CCDC78: variants seen among roughly 807,000 people sequenced by gnomAD.
The protein encoded by CCDC78 is coiled-coil domain containing 78.
In CCDC78, 78 loss-of-function variants were observed where a neutral mutation model predicts 61.9. That is an observed-to-expected ratio of 1.26 (90% CI 1.05 to 1.52). CCDC78 has a LOEUF of 1.52. CCDC78 is among the 40% of genes most tolerant of loss of function. The probability of loss-of-function intolerance (pLI) is 0.00; values close to 1 mark genes in which losing one functional copy is unlikely to be tolerated. For synonymous variants in CCDC78, 287 were observed against 251.9 expected, an observed-to-expected ratio of 1.14 and a Z score of -1.32; for missense variants, 737 against 615.5, an observed-to-expected ratio of 1.20 and a Z score of -2.09.
rs781465668 is a variant in CCDC78 at position 725,061 on chromosome 16, G to A, written c.560+17C>T. On this transcript the variant is annotated intron_variant, in intron 6 of 13. Coordinates refer to ENST00000345165, the MANE Select transcript of CCDC78 (RefSeq NM_001378030.1). ...TCTCTGCTCCAGGATGGGGCCCCAG[G>A]TGAGATGGCCACTCACACACGCGTC... is the stretch of plus-strand genomic sequence containing the variant. 43 of 1,612,642 alleles carry A rather than the reference G, an allele frequency of 2.7e-5. 1 individual carries two copies. In the South Asian group the frequency reaches 4.3e-4, roughly 16 times the overall value.
Position 725,788 on chromosome 16 carries a change from G to C in CCDC78, c.267+6C>G. Reference sequence around the variant, plus strand: ...TGCACTGAGGCTGGTTCACACGGCTGCTCACCTCACTCTTCAGCTGGAAGA... The same window carrying C: ...TGCACTGAGGCTGGTTCACACGGCTCCTCACCTCACTCTTCAGCTGGAAGA... On this transcript the variant is annotated splice_donor_region_variant and intron_variant, in intron 3 of 13. Coordinates refer to ENST00000345165, the MANE Select transcript of CCDC78 (RefSeq NM_001378030.1). 6.2e-7 allele frequency: 1 copy of C among 1,602,910 alleles called. No homozygotes were observed. The highest frequency in any genetic ancestry group is 8.5e-7 in the Non-Finnish European group (1 of 1,174,404).
At chr16:726,747 G>C, upstream of CCDC78, 1 of 333,502 alleles carries the variant, frequency 3.0e-6, no homozygotes, top group South Asian at 4.7e-5. Context: ...GTACCTAGCA[G>C]TGCTGGCTGA....
chr16:724,144 C>G lies in CCDC78; in HGVS notation c.1015G>C (p.Val339Leu). The part of the protein sequence containing the change: ...IASLDLEPLP[V>L]PLVTDFSHRE... Reference sequence around the variant, plus strand: ...TGGCTGAAGTCAGTGACCAGGGGCACGGGCAATGGTTCCAGGTCCAAGCTG... The same window carrying G: ...TGGCTGAAGTCAGTGACCAGGGGCAGGGGCAATGGTTCCAGGTCCAAGCTG... The change falls in exon 10 of 14, where the codon GTG (valine) becomes CTG (leucine). Residue 339 changes from valine (V) to leucine (L), a missense_variant. Coordinates refer to ENST00000345165, the MANE Select transcript of CCDC78 (RefSeq NM_001378030.1). The G allele has an allele frequency of 6.2e-7, 1 of 1,603,994 alleles. No individual in the cohort carries two copies. Among genetic ancestry groups the G allele is most frequent in the Middle Eastern group, 1.7e-4 (1 of 6,010 alleles).
Position 725,248 on chromosome 16 carries a change from G to A in CCDC78, c.481C>T (p.Leu161=). 1 of 1,607,872 alleles carries A rather than the reference G, an allele frequency of 6.2e-7. No individual in the cohort carries two copies. The highest frequency in any genetic ancestry group is 8.5e-7 in the Non-Finnish European group (1 of 1,179,970). The change falls in exon 5 of 14, where the codon CTG becomes TTG. Residue 161 remains leucine, a synonymous_variant. Coordinates refer to ENST00000345165, the MANE Select transcript of CCDC78 (RefSeq NM_001378030.1). The part of the protein sequence containing the change: ...TMNPENEQHR[L]GSGLQGEVKW... ...GGCTGCACACTCACGCCGCTCCCCA[G>A]CCTGTGCTGCTCATTCTCGGGGTTC...
rs527479144 is a variant in CCDC78 at position 724,755 on chromosome 16, G to C, written c.691C>G (p.Arg231Gly). The C allele has an allele frequency of 9.9e-6, 16 of 1,612,094 alleles. No individual in the cohort carries two copies. The highest frequency in any genetic ancestry group is 2.7e-5 in the African/African-American group (2 of 75,058). Residue 231 changes from arginine to glycine, a missense_variant, in exon 8 of 14, where the codon CGG becomes GGG. Physicochemically the swap from Arg to Gly is moderately radical, Grantham distance 125 (BLOSUM62 -2). Coordinates refer to ENST00000345165, the MANE Select transcript of CCDC78 (RefSeq NM_001378030.1). ...AGTTTCTTGAGCTGCAGCTGCAGCC[G>C]GGCATTTTCAGCCTCTGCCTGACGG... ...QLRQAEAENA[R>G]LQLQLKKLKD...
At chr16:723,264 A>C (rs780383670) in intron 11 of CCDC78, 103 bp from the exon 12 acceptor site, 1 of 1,260,814 alleles carries the variant, frequency 7.9e-7, no homozygotes. Context: ...GGGAGGGGAC[A>C]CCTGGGAGTG....
In CCDC78 at chr16:726,091, G is replaced by A; in HGVS notation, c.61-6C>T. 1 of 1,549,040 alleles carries A rather than the reference G, an allele frequency of 6.5e-7. No individual in the cohort carries two copies. Among genetic ancestry groups the A allele is most frequent in the South Asian group, 1.2e-5 (1 of 84,048 alleles). On this transcript the variant is annotated splice_region_variant and splice_polypyrimidine_tract_variant and intron_variant, in intron 1 of 13. Coordinates refer to ENST00000345165, the MANE Select transcript of CCDC78 (RefSeq NM_001378030.1). ...TCCTTGGCTCGTAGCACAACCTGGGGAGGTACCGCCACCCATTCCCCAGGT... is the reference window on the plus strand; with the variant it reads ...TCCTTGGCTCGTAGCACAACCTGGGAAGGTACCGCCACCCATTCCCCAGGT...
In CCDC78 at chr16:725,293, C is replaced by T; in HGVS notation, c.436G>A (p.Val146Met). 1 of 1,608,074 alleles carries T rather than the reference C, an allele frequency of 6.2e-7. No individual in the cohort carries two copies. The highest frequency in any genetic ancestry group is 8.5e-7 in the Non-Finnish European group (1 of 1,179,966). Residue 146 changes from valine (V) to methionine (M), a missense_variant and splice_region_variant, in exon 5 of 14, where the codon GTG becomes ATG. By Grantham distance (21) the Val-to-Met change is conservative. Coordinates refer to ENST00000345165, the MANE Select transcript of CCDC78 (RefSeq NM_001378030.1). ...PGHSDDHRFQ[V>M]QPKNTMNPEN... Reference sequence around the variant, plus strand: ...GGGTTCATGGTGTTCTTGGGCTGCACCTGAATGGAAGGGAGGGCAGGGAAA... The same window carrying T: ...GGGTTCATGGTGTTCTTGGGCTGCATCTGAATGGAAGGGAGGGCAGGGAAA...
rs942253000 is a variant in CCDC78 at position 726,277 on chromosome 16, T to A, written c.60+31A>T. On this transcript the variant is annotated intron_variant, in intron 1 of 13. Coordinates refer to ENST00000345165, the MANE Select transcript of CCDC78 (RefSeq NM_001378030.1). ...GGGGAACGGGCAGACTTCAACCCCA[T>A]GGCAGGAGCGGCAAGTCCCAGAGGA... 9 of 1,549,334 alleles carry A rather than the reference T, an allele frequency of 5.8e-6. No homozygotes were observed. In the African/African-American group the frequency reaches 8.2e-5, roughly 14 times the overall value.
At position 724,890 on chromosome 16, in the gene CCDC78, G is replaced by A. The variant is rs201733212; in HGVS notation, c.639+21C>T. Reference sequence around the variant, plus strand: ...GGGCCCCCACCCTCCAGGTCTCCAAGCAGTCAGGGCAGAGCCTCACCACAG... The same window carrying A: ...GGGCCCCCACCCTCCAGGTCTCCAAACAGTCAGGGCAGAGCCTCACCACAG... On this transcript the variant is annotated intron_variant, in intron 7 of 13. Transcript: ENST00000345165. 1,269 of 1,595,584 alleles carry A rather than the reference G, an allele frequency of 8.0e-4. 17 individuals are homozygous for A. The East Asian group carries it at 0.025, about 32-fold the overall frequency.
At position 725,763 on chromosome 16, in the gene CCDC78, T is replaced by C. The variant is rs896596472; in HGVS notation, c.267+31A>G. On this transcript the variant is annotated intron_variant, in intron 3 of 13. Transcript: ENST00000345165. ...CTGGGCCTGCACCCCCCGTCCCCCA[T>C]GCACTGAGGCTGGTTCACACGGCTG... is the stretch of plus-strand genomic sequence containing the variant. The C allele has an allele frequency of 3.1e-6, 5 of 1,589,234 alleles. No individual in the cohort carries two copies. The African/African-American group carries it at 4.0e-5, about 13-fold the overall frequency.
chr16:723,689 C>T lies in CCDC78; in HGVS notation c.1133+168G>A, dbSNP rs868403608. On this transcript the variant is annotated intron_variant, in intron 11 of 13. Transcript: ENST00000345165. ...TCTTTCCTGTGATTATCAGTGTCGCCGGGACCCACGGAGGGACCCCAGGGT... is the reference window on the plus strand; with the variant it reads ...TCTTTCCTGTGATTATCAGTGTCGCTGGGACCCACGGAGGGACCCCAGGGT... The T allele has an allele frequency of 3.6e-5, 26 of 712,812 alleles. No individual in the cohort carries two copies. The Middle Eastern group carries it at 1.8e-3, about 50-fold the overall frequency. The allele number at this position is 712,812 out of a possible 1,614,324, so 44.2% of individuals were successfully genotyped here. A position where few individuals can be genotyped will look rare whatever the true frequency, so the allele number is the denominator to read the frequency against.
chr16:722,936 G>T lies in CCDC78; in HGVS notation c.1287C>A (p.Asp429Glu). 1.2e-6 allele frequency: 2 copies of T among 1,612,234 alleles called. No homozygotes were observed. The highest frequency in any genetic ancestry group is 2.2e-5 in the South Asian group (2 of 91,084). ...CCTCTGCCCACCTGCCCAGGTGCTG[G>T]TCCACGTACTCCTGTAGCTCAGAAA... ...EQLSELQEYV[D>E]QHLGRYKHEI... The change falls in exon 13 of 14, where the codon GAC (aspartate) becomes GAA (glutamate). Residue 429 changes from aspartate to glutamate, a missense_variant. Physicochemically the swap from Asp to Glu is conservative, Grantham distance 45. Coordinates refer to ENST00000345165, the MANE Select transcript of CCDC78 (RefSeq NM_001378030.1).
In CCDC78 at chr16:722,925, C is replaced by T. The variant is rs746845893; in HGVS notation, c.1298G>A (p.Gly433Asp). The T allele has an allele frequency of 6.2e-7, 1 of 1,612,172 alleles. No homozygotes were observed. Among genetic ancestry groups the T allele is most frequent in the South Asian group, 1.1e-5 (1 of 91,082 alleles). Residue 433 changes from glycine (G) to aspartate (D), a missense_variant, in exon 13 of 14, where the codon GGC becomes GAC. Physicochemically the swap from Gly to Asp is moderately conservative, Grantham distance 94. Coordinates refer to ENST00000345165, the MANE Select transcript of CCDC78 (RefSeq NM_001378030.1). ...ACACCCAGCTCCCTCTGCCCACCTG[C>T]CCAGGTGCTGGTCCACGTACTCCTG... ...ELQEYVDQHL[G>D]RYKHEILRLR...
rs574127373 is a variant in CCDC78, at chr16:726,175, C to A, written c.61-90G>T. The A allele has an allele frequency of 2.6e-6, 4 of 1,550,420 alleles. No individual in the cohort carries two copies. In the South Asian group the frequency reaches 4.8e-5, roughly 18 times the overall value. On this transcript the variant is annotated intron_variant, in intron 1 of 13. Transcript: ENST00000345165. Reference sequence around the variant, plus strand: ...GCAGTCACCAGTCCCGCCTCCCTGCCTGGCTGAGCTGTAAAAGTCCCTCTC... The same window carrying A: ...GCAGTCACCAGTCCCGCCTCCCTGCATGGCTGAGCTGTAAAAGTCCCTCTC...
At chr16:725,320 C>T (rs770939634) in intron 4 of CCDC78, 27 bp from the exon 5 acceptor site, 12 of 1,610,036 alleles carry the variant, frequency 7.5e-6, no homozygotes, top group Admixed American at 3.3e-5. Flanking sequence ...GCAGGGAAAG[C>T]TAAGGGGTGG....
In CCDC78 at chr16:724,305, A is replaced by T. The variant is rs778492814; in HGVS notation, c.953+17T>A. On this transcript the variant is annotated intron_variant, in intron 9 of 13. Transcript: ENST00000345165. ...GACCCACAGATGCCTGACACCTCCC[A>T]TCCCAGCGGGGCCCACCTGTAGGCA... The T allele has an allele frequency of 3.1e-6, 5 of 1,606,274 alleles. No homozygotes were observed. The African/African-American group carries it at 5.3e-5, about 17-fold the overall frequency.
At chr16:723,215 G>C (rs2040399672) in intron 11 of CCDC78, 54 bp from the exon 12 acceptor site, 9 of 1,578,850 alleles carry the variant, frequency 5.7e-6, no homozygotes, top group Non-Finnish European at 6.9e-6. Context: ...TGGTGACACA[G>C]GGACAGACGT....
upstream of CCDC78, chr16:726,459 G>A (rs2040956826): frequency 1.4e-6 from 2 of 1,435,054 alleles, no homozygotes; most frequent in East Asian, 2.5e-5. Flanking sequence ...TGCTAAGTGC[G>A]TTGCCAAGGC....
Sources: gnomAD v4.1 joint callset for allele counts on GRCh38, gnomAD v4.1.1 for gene constraint, MANE v1.5 for transcripts, NCBI Gene and HGNC (gene_info 2026-07-23, HGNC 2026-07-21) for gene names.